The following UFL1 variants were observed in gnomAD, a reference collection of about 807,000 sequenced individuals.
UFL1 encodes UFM1 specific ligase 1, also known as E3 UFM1-protein ligase 1.
In UFL1, 78 loss-of-function variants were observed where a neutral mutation model predicts 99.3. The observed-to-expected ratio is 0.79, with a 90% CI of 0.65 to 0.95. The LOEUF is 0.95. UFL1 is among the 40% of genes least tolerant of loss of function. The pLI, the probability that UFL1 is intolerant of heterozygous loss-of-function variation, is 0.00. For synonymous variants in UFL1, 335 were observed against 322.2 expected (o/e 1.04, Z -0.42); for missense variants, 936 against 937.0 (o/e 1.00, Z 0.01).
chr6:96,534,012 C>T (rs768703115), intron 6 of UFL1, among the ~76,000 whole-genome samples: 1 of 151,662 alleles, frequency 6.6e-6, no homozygotes, highest in Non-Finnish European at 1.5e-5. Flanking sequence ...CAAATAGTTA[C>T]GTATCATGGA....
In UFL1 at chr6:96,521,908, C is replaced by G; in HGVS notation, c.35C>G (p.Ala12Gly). The G allele has an allele frequency of 6.2e-7, 1 of 1,612,354 alleles. No individual in the cohort carries two copies. Among genetic ancestry groups the G allele is most frequent in the Non-Finnish European group, 8.5e-7 (1 of 1,179,528 alleles). ...GCCTGGGAAGAGATTAGGCGGTTGG[C>G]GGCCGACTTCCAGCGGGCGCAGTTC... ...ADAWEEIRRL[A>G]ADFQRAQFAE... Residue 12 changes from alanine to glycine, a missense_variant, in exon 1 of 19, where the codon GCG becomes GGG. Physicochemically the swap from Ala to Gly is moderately conservative, Grantham distance 60 (BLOSUM62 0). Transcript: ENST00000369278.
At chr6:96,522,400 C>T (rs1255276536) in intron 1 of UFL1, among the ~76,000 whole-genome samples, 2 of 152,156 alleles carry the variant, frequency 1.3e-5, no homozygotes, top group African/African-American at 2.4e-5. Context: ...ACTTCTTGCC[C>T]TTTTATCTCT....
chr6:96,549,670 T>A lies in UFL1; in HGVS notation c.1689T>A (p.Asp563Glu). Residue 563 changes from aspartate (D) to glutamate (E), a missense_variant and splice_region_variant, in exon 15 of 19, where the codon GAT becomes GAA. Asp to Glu is a conservative substitution (Grantham distance 45, BLOSUM62 2). Coordinates refer to ENST00000369278, the MANE Select transcript of UFL1 (RefSeq NM_015323.5). ...TAATAAAGGTCCTTTATTTTCCAGA[T>A]GACACACAGGCTGCTCTTACCAAAC... is the stretch of plus-strand genomic sequence containing the variant. ...LFEKGMKFFA[D>E]DTQAALTKHL... 1 of 1,602,546 alleles carries A rather than the reference T, an allele frequency of 6.2e-7. No individual in the cohort carries two copies. The highest frequency in any genetic ancestry group is 8.5e-7 in the Non-Finnish European group (1 of 1,175,890).
At chr6:96,540,933 A>G (rs772268993) in intron 11 of UFL1, among the ~76,000 whole-genome samples, 14 of 151,360 alleles carry the variant, frequency 9.2e-5, no homozygotes, top group Non-Finnish European at 1.8e-4. Context: ...CCAGCCCAGT[A>G]GCCCTTTTTT....
chr6:96,535,901 ATC>A (rs1242808212), intron 7 of UFL1, among the ~76,000 whole-genome samples: 3 of 151,980 alleles, frequency 2.0e-5, no homozygotes, highest in Admixed American at 1.3e-4. Context: ...GTGTTTTATC[ATC>A]TGTTTTTAGT....
At chr6:96,533,508 A>C (rs1769811498) in intron 6 of UFL1, among the ~76,000 whole-genome samples, 1 of 152,028 alleles carries the variant, frequency 6.6e-6, no homozygotes, top group Non-Finnish European at 1.5e-5. Flanking sequence ...CATTTATGTT[A>C]ATGGCTAGAA....
intron 7 of UFL1, among the ~76,000 whole-genome samples, chr6:96,534,917 A>G (rs1007644926): frequency 6.6e-6 from 1 of 151,980 alleles, no homozygotes; most frequent in African/African-American, 2.4e-5. Flanking sequence ...AATGGAAAAG[A>G]AATATCAAGT....
intron 12 of UFL1, 51 bp from the exon 13 acceptor site, chr6:96,548,113 T>G: frequency 8.0e-7 from 1 of 1,243,518 alleles, no homozygotes; most frequent in Non-Finnish European, 1.1e-6. Context: ...GCCATTTGGT[T>G]GCATGTTTTT....
At position 96,536,246 on chromosome 6, in the gene UFL1, G is replaced by C; in HGVS notation, c.658G>C (p.Val220Leu). ...TATTCATGTGGGTTTGTTTTAAGCT[G>C]TGCTTGAGGAACTTGTTAATAGCGG... ...YGFQEQLLYS[V>L]LEELVNSGRL... Residue 220 changes from valine (V) to leucine (L), a missense_variant and splice_region_variant, in exon 8 of 19, where the codon GTG becomes CTG. Coordinates refer to ENST00000369278, the MANE Select transcript of UFL1 (RefSeq NM_015323.5). 6.2e-7 allele frequency: 1 copy of C among 1,608,462 alleles called. No homozygotes were observed. The highest frequency in any genetic ancestry group is 8.5e-7 in the Non-Finnish European group (1 of 1,176,144).
intron 5 of UFL1, 61 bp from the exon 6 acceptor site, chr6:96,528,441 C>A: frequency 1.3e-6 from 2 of 1,565,962 alleles, no homozygotes; most frequent in South Asian, 1.2e-5. Context: ...TATGACTATG[C>A]AAATGCATAT....
chr6:96,532,707 C>T (rs1769799352), intron 6 of UFL1, among the ~76,000 whole-genome samples: 1 of 152,152 alleles, frequency 6.6e-6, no homozygotes, highest in Admixed American at 6.6e-5. Context: ...ATTGAAGCAG[C>T]TTGAAACCCT....
At chr6:96,524,602 A>G (rs1769673655) in intron 3 of UFL1, among the ~76,000 whole-genome samples, 192 bp downstream of exon 3, 1 of 152,124 alleles carries the variant, frequency 6.6e-6, no homozygotes, top group Non-Finnish European at 1.5e-5. Flanking sequence ...ATAAATTCGG[A>G]TTTATTGAAA....
chr6:96,545,458 T>C (rs2127952648), intron 12 of UFL1, among the ~76,000 whole-genome samples: 1 of 151,118 alleles, frequency 6.6e-6, no homozygotes, highest in Non-Finnish European at 1.5e-5. Flanking sequence ...AATTATAGAA[T>C]TCTGAGATTT....
At chr6:96,524,551 CTGAAT>C in intron 3 of UFL1, 141 bp downstream of exon 3, 1 of 543,052 alleles carries the variant, frequency 1.8e-6, no homozygotes, top group Non-Finnish European at 3.1e-6. Context: ...CGCTGATACA[CTGAAT>C]TGATTTAACA....
At chr6:96,525,097 C>A (rs1468693290) in intron 3 of UFL1, among the ~76,000 whole-genome samples, 200 bp from the exon 4 acceptor site, 2 of 149,168 alleles carry the variant, frequency 1.3e-5, no homozygotes, top group East Asian at 3.9e-4. Context: ...AGATGGGAGT[C>A]TCCCTATGTT....
Position 96,553,451 on chromosome 6 carries a change from C to G in UFL1, c.2333C>G (p.Ser778Cys). Reference protein sequence around the residue: ...TRKELQELSSSIKDLVLKSRK... With the variant: ...TRKELQELSSCIKDLVLKSRK... ...AAAGAGCTTCAAGAACTTTCTTCAT[C>G]CATTAAAGACCTTGTTCTCAAATCT... is the stretch of plus-strand genomic sequence containing the variant. The change falls in exon 19 of 19, where the codon TCC (serine) becomes TGC (cysteine). Residue 778 changes from serine (S) to cysteine (C), a missense_variant. By Grantham distance (112) the Ser-to-Cys change is moderately radical. Coordinates refer to ENST00000369278, the MANE Select transcript of UFL1 (RefSeq NM_015323.5). The G allele has an allele frequency of 6.2e-7, 1 of 1,613,616 alleles. No homozygotes were observed. Among genetic ancestry groups the G allele is most frequent in the Non-Finnish European group, 8.5e-7 (1 of 1,179,778 alleles).
At position 96,554,010 on chromosome 6, in the gene UFL1, A is replaced by AAAACT. The variant is rs902797091; in HGVS notation, c.*511_*515dup. On this transcript the variant is annotated 3_prime_UTR_variant, in exon 19 of 19. Transcript: ENST00000369278. ...TTTATTTTTAAATAGAAAGCACTTC[A>AAAACT]AAACTAAAATACAGAAATTTACAAA... is the stretch of plus-strand genomic sequence containing the variant. 6.6e-6 allele frequency: 1 copy of AAAACT among 152,216 alleles called. No individual in the cohort carries two copies. Among genetic ancestry groups the AAAACT allele is most frequent in the African/African-American group, 2.4e-5 (1 of 41,446 alleles). The allele number at this position is 152,216 out of a possible 1,614,324, so 9.4% of individuals were successfully genotyped here.
At chr6:96,549,336 C>T in intron 13 of UFL1, 76 bp from the exon 14 acceptor site, 3 of 1,187,398 alleles carry the variant, frequency 2.5e-6, no homozygotes, top group Non-Finnish European at 3.4e-6. Context: ...GCCTTATTTC[C>T]ATAGAAACAA....
Position 96,534,256 on chromosome 6 carries a change from C to A in UFL1, c.597-7C>A. On this transcript the variant is annotated splice_region_variant and splice_polypyrimidine_tract_variant and intron_variant, in intron 6 of 18. Coordinates refer to ENST00000369278, the MANE Select transcript of UFL1 (RefSeq NM_015323.5). ...AGAAGTTTTTTTTTTTTTAACTTTC[C>A]ATAAAGGCCTACAGCTGTGAATTCT... 1 of 1,512,262 alleles carries A rather than the reference C, an allele frequency of 6.6e-7. No individual in the cohort carries two copies. Among genetic ancestry groups the A allele is most frequent in the Non-Finnish European group, 8.8e-7 (1 of 1,137,370 alleles). 93.7% of individuals were successfully genotyped at this position (1,512,262 alleles called of 1,614,324 possible).
Sources: gnomAD v4.1 joint callset for allele counts (sites outside exome capture counted in the v4.1 genomes callset) on GRCh38, gnomAD v4.1.1 for gene constraint, MANE v1.5 for transcripts, NCBI Gene and HGNC (gene_info 2026-07-23, HGNC 2026-07-21) for gene names.